SYN3: variants seen among roughly 807,000 people sequenced by gnomAD.
SYN3 encodes synapsin III, also known as synapsin-3.
In SYN3, 35 loss-of-function variants were observed where a neutral mutation model predicts 65.8. The observed-to-expected ratio is 0.53, with a 90% CI of 0.41 to 0.70. The LOEUF is 0.70. Ranked by LOEUF, SYN3 falls within the 30% of genes least tolerant of loss-of-function variation. The probability of loss-of-function intolerance (pLI) is 0.00; values close to 1 mark genes in which losing one functional copy is unlikely to be tolerated. For missense variants in SYN3, 680 were observed against 749.0 expected, an observed-to-expected ratio of 0.91 and a Z score of 1.08; for synonymous variants, 270 against 292.9, an observed-to-expected ratio of 0.92 and a Z score of 0.80.
At chr22:32,557,848 C>T (rs973930460) in intron 7 of SYN3, among the ~76,000 whole-genome samples, 1 of 152,228 alleles carries the variant, frequency 6.6e-6, no homozygotes, top group Non-Finnish European at 1.5e-5. Context: ...CTGTTCTCTG[C>T]CCCCAGAAAG....
intron 6 of SYN3, among the ~76,000 whole-genome samples, chr22:32,604,771 T>G (rs1421647586): frequency 6.6e-6 from 1 of 152,090 alleles, no homozygotes; most frequent in African/African-American, 2.4e-5. Flanking sequence ...TTTGGGAGGC[T>G]GAGGCGGGCA....
chr22:32,616,772 G>A (rs2059526711), intron 6 of SYN3, among the ~76,000 whole-genome samples: 1 of 152,196 alleles, frequency 6.6e-6, no homozygotes, highest in Non-Finnish European at 1.5e-5. Context: ...AAATGCTATA[G>A]AAGCAAAGAA....
intron 13 of SYN3, among the ~76,000 whole-genome samples, chr22:32,515,000 T>C (rs1450206878): frequency 6.6e-6 from 1 of 150,644 alleles, no homozygotes; most frequent in Non-Finnish European, 1.5e-5. Context: ...TGGGCGACAG[T>C]GAGACTCCAT....
At chr22:33,023,507 T>C (rs2053592028) in intron 1 of SYN3, among the ~76,000 whole-genome samples, 1 of 152,144 alleles carries the variant, frequency 6.6e-6, no homozygotes, top group Non-Finnish European at 1.5e-5. Flanking sequence ...GTTTCAAGTA[T>C]ATCTTTATTG....
intron 1 of SYN3, among the ~76,000 whole-genome samples, chr22:33,017,992 G>A (rs1569408326): frequency 6.6e-6 from 1 of 152,180 alleles, no homozygotes; most frequent in Non-Finnish European, 1.5e-5. Context: ...GTAAGAGAAT[G>A]TTTAGAAAAG....
At chr22:32,700,589 C>T (rs770370123) in intron 6 of SYN3, among the ~76,000 whole-genome samples, 1 of 152,186 alleles carries the variant, frequency 6.6e-6, no homozygotes, top group South Asian at 2.1e-4. Context: ...CTTTCATAAA[C>T]ACTCACTAAG....
chr22:32,773,111 C>G (rs899821924), intron 6 of SYN3, among the ~76,000 whole-genome samples: 50 of 152,216 alleles, frequency 3.3e-4, no homozygotes, highest in African/African-American at 1.2e-3. Flanking sequence ...AAGGCCCTGT[C>G]CAAAGAATGG....
At chr22:32,544,400 T>A (rs1213195346) in intron 7 of SYN3, among the ~76,000 whole-genome samples, 1 of 152,206 alleles carries the variant, frequency 6.6e-6, no homozygotes, top group Non-Finnish European at 1.5e-5. Flanking sequence ...TACGCACCAC[T>A]GTCTATCTCT....
intron 6 of SYN3, among the ~76,000 whole-genome samples, chr22:32,790,129 A>C (rs559464545): frequency 6.6e-6 from 1 of 152,356 alleles, no homozygotes; most frequent in African/African-American, 2.4e-5. Flanking sequence ...TAAATATTTA[A>C]CAAGTAGCTC....
At chr22:32,956,735 G>A (rs1255195418) in intron 3 of SYN3, among the ~76,000 whole-genome samples, 1 of 152,158 alleles carries the variant, frequency 6.6e-6, no homozygotes, top group Non-Finnish European at 1.5e-5. Flanking sequence ...ATGCTGCTGT[G>A]AACATGGGTG....
chr22:32,627,818 T>G (rs997659775), intron 6 of SYN3, among the ~76,000 whole-genome samples: 1 of 151,214 alleles, frequency 6.6e-6, no homozygotes, highest in Non-Finnish European at 1.5e-5. Flanking sequence ...AGCATTTTTT[T>G]TGTTTGTTTT....
chr22:33,052,424 CCTT>C (rs2145979215), intron 1 of SYN3, among the ~76,000 whole-genome samples: 1 of 152,254 alleles, frequency 6.6e-6, no homozygotes, highest in East Asian at 1.9e-4. Context: ...TCCTCCTCCT[CCTT>C]CTCCTCCTCC....
Position 32,837,401 on chromosome 22 carries a change from T to G in SYN3, c.711+27514A>C, listed in dbSNP as rs1414304794. Reference sequence around the variant, plus strand: ...CGGCGCCTCTGACCCCTGAGTGGGCTTGAGCTTTTGAGAGGTCAGCATGCC... The same window carrying G: ...CGGCGCCTCTGACCCCTGAGTGGGCGTGAGCTTTTGAGAGGTCAGCATGCC... On this transcript the variant is annotated intron_variant, in intron 6 of 13. Coordinates refer to ENST00000358763, the MANE Select transcript of SYN3 (RefSeq NM_003490.4). The surrounding 1 kb of genome is among the most constrained non-coding windows in gnomAD (Gnocchi z 4.1). Among the ~76,000 whole-genome samples the G allele has an allele frequency of 6.6e-6, 1 of 152,052 alleles. No homozygotes were observed. The highest frequency in any genetic ancestry group is 1.5e-5 in the Non-Finnish European group (1 of 68,018).
chr22:32,926,204 C>T (rs12166948), intron 4 of SYN3, among the ~76,000 whole-genome samples: 6,606 of 152,190 alleles, frequency 0.043, 165 homozygotes, highest in Middle Eastern at 0.092. Flanking sequence ...TCCAGCCACC[C>T]TACCAAATAG....
chr22:32,677,579 A>T (rs2060463745), intron 6 of SYN3, among the ~76,000 whole-genome samples: 1 of 152,196 alleles, frequency 6.6e-6, no homozygotes, highest in Admixed American at 6.5e-5. Context: ...CGGGTGGAAC[A>T]TGAGGTCAGG....
intron 2 of SYN3, among the ~76,000 whole-genome samples, chr22:32,982,879 A>G (rs2052412314): frequency 6.6e-6 from 1 of 152,160 alleles, no homozygotes; most frequent in Non-Finnish European, 1.5e-5. Flanking sequence ...AGTAGATATC[A>G]TTATTTCCAA....
intron 6 of SYN3, among the ~76,000 whole-genome samples, chr22:32,852,723 C>T (rs1252054712): frequency 6.7e-6 from 1 of 149,744 alleles, no homozygotes; most frequent in Non-Finnish European, 1.5e-5. Flanking sequence ...CTTCAGTACA[C>T]AGAGACCTGC....
chr22:32,558,961 AATG>A (rs1373654101), intron 7 of SYN3, among the ~76,000 whole-genome samples: 2 of 152,240 alleles, frequency 1.3e-5, no homozygotes, highest in African/African-American at 4.8e-5. Context: ...GTGAATAAAT[AATG>A]ATGACAGTGA....
intron 6 of SYN3, among the ~76,000 whole-genome samples, chr22:32,744,813 C>T (rs5998611): frequency 0.085 from 12,893 of 152,110 alleles, 652 homozygotes; most frequent in African/African-American, 0.14. Context: ...CGATTGCCCA[C>T]GCAGCAGGGT....
Sources: gnomAD v4.1 joint callset for allele counts (sites outside exome capture counted in the v4.1 genomes callset) on GRCh38, gnomAD v4.1.1 for gene constraint, Gnocchi (gnomAD v3.1) non-coding constraint, MANE v1.5 for transcripts, NCBI Gene and HGNC (gene_info 2026-07-23, HGNC 2026-07-21) for gene names.